The following DYSF variants were observed in gnomAD, a reference collection of about 807,000 sequenced individuals.
DYSF encodes dysferlin.
A neutral mutation model predicts 274.9 loss-of-function variants in DYSF; 212 were observed. The observed-to-expected ratio is 0.77, with a 90% CI of 0.69 to 0.86. The LOEUF (loss-of-function observed/expected upper bound fraction) is 0.86, where lower values mean the gene tolerates loss of function less well. Ranked by LOEUF, DYSF falls within the 40% of genes least tolerant of loss-of-function variation. The probability of loss-of-function intolerance (pLI) is 0.00; values close to 1 mark genes in which losing one functional copy is unlikely to be tolerated. For synonymous variants in DYSF, 1,091 were observed against 1,078.7 expected, an observed-to-expected ratio of 1.01 and a Z score of -0.22; for missense variants, 2,666 against 2,783.2, an observed-to-expected ratio of 0.96 and a Z score of 0.95.
intron 14 of DYSF, among the ~76,000 whole-genome samples, chr2:71,531,566 C>A (rs759446372): frequency 1.3e-5 from 2 of 151,552 alleles, no homozygotes; most frequent in Non-Finnish European, 2.9e-5. Context: ...CAGAGAGTCT[C>A]AAAACATGGT....
intron 40 of DYSF, among the ~76,000 whole-genome samples, chr2:71,618,155 T>TGTGGTAGAGGTG: frequency 3.5e-3 from 2 of 568 alleles, no homozygotes; most frequent in Admixed American, 0.024. Flanking sequence ...AGAGGTGGTG[T>TGTGGTAGAGGTG]GTGTGTGTGT....
intron 30 of DYSF, among the ~76,000 whole-genome samples, 194 bp from the exon 31 acceptor site, chr2:71,589,399 T>C (rs2093180391): frequency 1.3e-5 from 2 of 152,260 alleles, no homozygotes; most frequent in South Asian, 4.1e-4. Context: ...CTACAGTCCT[T>C]TGGTGCTTTG....
Position 71,679,208 on chromosome 2 carries a change from A to G in DYSF, c.6036A>G (p.Ala2012=), listed in dbSNP as rs1326205092. Residue 2012 remains alanine, a synonymous_variant, in exon 53 of 56, where the codon GCA becomes GCG. Transcript: ENST00000410020. ...TGAAGGGCTGGTGGCCCTGTGTAGC[A>G]GAAGAGGGTGAGAAGAAAATACTGG... is the stretch of plus-strand genomic sequence containing the variant. The part of the protein sequence containing the change: ...KTVKGWWPCV[A]EEGEKKILAG... 2.5e-6 allele frequency: 4 copies of G among 1,614,072 alleles called. No homozygotes were observed. Among genetic ancestry groups the G allele is most frequent in the Non-Finnish European group, 2.5e-6 (3 of 1,179,942 alleles).
At chr2:71,517,141 T>G in intron 10 of DYSF, 102 bp downstream of exon 10, 1 of 1,132,270 alleles carries the variant, frequency 8.8e-7, no homozygotes, top group East Asian at 2.3e-5. Context: ...TGTGTTTCTC[T>G]GCTTTGGGAA....
intron 32 of DYSF, among the ~76,000 whole-genome samples, chr2:71,592,531 G>T (rs2093296874): frequency 1.3e-5 from 2 of 152,254 alleles, no homozygotes. Context: ...CCCTGGAACT[G>T]ACCCTGGGGC....
intron 10 of DYSF, among the ~76,000 whole-genome samples, chr2:71,517,627 G>T (rs913993048): frequency 5.3e-5 from 8 of 152,182 alleles, no homozygotes; most frequent in African/African-American, 1.4e-4. Context: ...ATGACAGGAA[G>T]TAGTTTTACA....
intron 36 of DYSF, among the ~76,000 whole-genome samples, chr2:71,605,365 C>T (rs770180361): frequency 4.3e-4 from 65 of 152,346 alleles, no homozygotes; most frequent in African/African-American, 1.5e-3. Flanking sequence ...TGTGCATGCA[C>T]GTGTGAGCAT....
intron 42 of DYSF, among the ~76,000 whole-genome samples, chr2:71,644,866 A>G (rs1306883170): frequency 1.3e-5 from 2 of 152,254 alleles, no homozygotes; most frequent in African/African-American, 4.8e-5. Flanking sequence ...ATCAGCATGC[A>G]TCAAATATTG....
intron 3 of DYSF, among the ~76,000 whole-genome samples, chr2:71,486,434 C>T (rs1324778942): frequency 2.6e-5 from 4 of 152,140 alleles, no homozygotes; most frequent in Non-Finnish European, 5.9e-5. Context: ...TTTCTCTCCT[C>T]CTTCTCTTGC....
chr2:71,681,245 G>A, intron 54 of DYSF, 135 bp downstream of exon 54: 1 of 777,482 alleles, frequency 1.3e-6, no homozygotes, highest in East Asian at 2.7e-5. Flanking sequence ...ACTCATCCAA[G>A]GCCACACAGT....
intron 13 of DYSF, 72 bp downstream of exon 13, chr2:71,526,418 T>TGGGGTGGGGGGGGGGGGGGTG: frequency 7.6e-6 from 2 of 261,504 alleles, no homozygotes; most frequent in East Asian, 9.4e-5. Context: ...GGGTGGGCGA[T>TGGGGTGGGGGGGGGGGGGGTG]GGCGGGCGGG....
intron 4 of DYSF, among the ~76,000 whole-genome samples, chr2:71,509,642 T>G (rs2085873522): frequency 6.6e-6 from 1 of 152,256 alleles, no homozygotes; most frequent in Non-Finnish European, 1.5e-5. Context: ...TATTTCTATT[T>G]TATTCAATTG....
chr2:71,641,682 C>T (rs1055149424), intron 41 of DYSF, among the ~76,000 whole-genome samples: 6 of 151,714 alleles, frequency 4.0e-5, no homozygotes, highest in Non-Finnish European at 8.8e-5. Context: ...ACAACTCGTA[C>T]GTTTTGGGAC....
rs766891289 is a variant in DYSF at position 71,520,871 on chromosome 2, C to T, written c.1116C>T (p.Ser372=). ...SAGARGYLKT[S]LCVLGPGDEA... ...GGGCCAGAGGCTACCTGAAAACAAG[C>T]CTTTGTGTGCTGGGGCCTGGGGACG... is the stretch of plus-strand genomic sequence containing the variant. Residue 372 remains serine, a synonymous_variant, in exon 12 of 56, where the codon AGC becomes AGT. Transcript: ENST00000410020. 3.7e-6 allele frequency: 6 copies of T among 1,614,014 alleles called. No homozygotes were observed. In the East Asian group the frequency reaches 1.1e-4, roughly 30 times the overall value.
At chr2:71,543,799 A>G (rs1298872590) in intron 17 of DYSF, among the ~76,000 whole-genome samples, 1 of 152,124 alleles carries the variant, frequency 6.6e-6, no homozygotes, top group African/African-American at 2.4e-5. Flanking sequence ...TGCAGTGAGC[A>G]GAGATGGCGG....
intron 28 of DYSF, 104 bp downstream of exon 28, chr2:71,570,438 C>A: frequency 2.1e-6 from 3 of 1,431,960 alleles, no homozygotes; most frequent in East Asian, 2.4e-5. Context: ...CTATTTCACC[C>A]AGGGACGCTT....
chr2:71,648,513 G>C (rs1207816615), intron 42 of DYSF, among the ~76,000 whole-genome samples: 3 of 150,396 alleles, frequency 2.0e-5, no homozygotes, highest in Non-Finnish European at 4.4e-5. Flanking sequence ...TGCATAATTG[G>C]AGTCTCCAAG....
chr2:71,617,879 G>GGTGTGTGTGTGGTAGAGGT (rs756123529), intron 40 of DYSF, among the ~76,000 whole-genome samples: 8,911 of 20,084 alleles, frequency 0.44, 2,451 homozygotes, highest in Non-Finnish European at 0.56. Flanking sequence ...GTAGAGGTGG[G>GGTGTGTGTGTGGTAGAGGT]GTGTGTGTGG....
At chr2:71,474,528 C>A (rs902992509) in intron 1 of DYSF, among the ~76,000 whole-genome samples, 4 of 152,240 alleles carry the variant, frequency 2.6e-5, no homozygotes, top group Non-Finnish European at 4.4e-5. Flanking sequence ...TGATGAGGAA[C>A]TATTTTCTTA....
Sources: gnomAD v4.1 joint callset for allele counts (sites outside exome capture counted in the v4.1 genomes callset) on GRCh38, gnomAD v4.1.1 for gene constraint, MANE v1.5 for transcripts, NCBI Gene and HGNC (gene_info 2026-07-23, HGNC 2026-07-21) for gene names.